The following GRM8 variants were observed in gnomAD, a reference collection of about 807,000 sequenced individuals.
The protein encoded by GRM8 is metabotropic glutamate receptor 8.
GRM8 carries 47 observed loss-of-function variants against 87.2 expected under a neutral mutation model. That is an observed-to-expected ratio of 0.54 (90% CI 0.43 to 0.69). GRM8 has a LOEUF of 0.69. Among genes scored for constraint, GRM8 ranks in the 30% least tolerant of loss-of-function variants. The pLI is 0.00. For missense variants in GRM8, 1,019 were observed against 1,139.2 expected, an observed-to-expected ratio of 0.89 and a Z score of 1.52; for synonymous variants, 396 against 404.5, an observed-to-expected ratio of 0.98 and a Z score of 0.25.
chr7:127,207,663 A>G (rs1451769784), intron 2 of GRM8, among the ~76,000 whole-genome samples: 1 of 152,110 alleles, frequency 6.6e-6, no homozygotes, highest in Admixed American at 6.5e-5. Flanking sequence ...GGTTAAGGGG[A>G]CCCCAGAGAA....
intron 6 of GRM8, among the ~76,000 whole-genome samples, chr7:126,892,295 C>A (rs1563288731): frequency 6.6e-6 from 1 of 151,970 alleles, no homozygotes; most frequent in Non-Finnish European, 1.5e-5. Flanking sequence ...CCTCCCCAAA[C>A]CCCACAACGG....
At chr7:127,211,643 C>T (rs953130133) in intron 2 of GRM8, among the ~76,000 whole-genome samples, 1 of 152,176 alleles carries the variant, frequency 6.6e-6, no homozygotes, top group Non-Finnish European at 1.5e-5. Context: ...GGAGGCCCCA[C>T]CTTCATGGCT....
chr7:126,821,276 C>T (rs1042669063), intron 6 of GRM8, among the ~76,000 whole-genome samples: 4 of 152,126 alleles, frequency 2.6e-5, no homozygotes, highest in African/African-American at 9.7e-5. Flanking sequence ...ATCTAATGCA[C>T]CCATCCTTCA....
chr7:127,232,032 T>C (rs1563597031), intron 2 of GRM8, among the ~76,000 whole-genome samples: 1 of 152,080 alleles, frequency 6.6e-6, no homozygotes, highest in Non-Finnish European at 1.5e-5. Context: ...ACACATGGAT[T>C]TGGAAGGATA....
intron 2 of GRM8, among the ~76,000 whole-genome samples, chr7:127,159,709 T>C (rs1469373738): frequency 6.6e-6 from 1 of 152,224 alleles, no homozygotes; most frequent in Non-Finnish European, 1.5e-5. Context: ...TCCCTAGCTA[T>C]ACATGTATAC....
At chr7:127,155,218 G>C (rs995533286) in intron 2 of GRM8, among the ~76,000 whole-genome samples, 10 of 152,104 alleles carry the variant, frequency 6.6e-5, no homozygotes, top group Non-Finnish European at 1.3e-4. Flanking sequence ...ACTTACTCAC[G>C]AAGTGCCACC....
chr7:127,107,712 A>G (rs1296910793), intron 2 of GRM8, among the ~76,000 whole-genome samples: 6 of 152,240 alleles, frequency 3.9e-5, no homozygotes, highest in Non-Finnish European at 8.8e-5. Flanking sequence ...TCTGGGATCC[A>G]ATAGTCCCCA....
chr7:126,951,976 C>A (rs1563348253), intron 3 of GRM8, among the ~76,000 whole-genome samples: 1 of 151,330 alleles, frequency 6.6e-6, no homozygotes, highest in Non-Finnish European at 1.5e-5. Context: ...ATAAGCACAT[C>A]TAGCATGAAG....
At chr7:126,884,053 A>G (rs1800258783) in intron 6 of GRM8, among the ~76,000 whole-genome samples, 1 of 152,154 alleles carries the variant, frequency 6.6e-6, no homozygotes, top group Non-Finnish European at 1.5e-5. Context: ...CCCTACAAAT[A>G]CTAAAATTAG....
intron 3 of GRM8, among the ~76,000 whole-genome samples, chr7:126,925,127 C>A (rs1363579991): frequency 2.6e-5 from 4 of 152,194 alleles, no homozygotes; most frequent in African/African-American, 9.6e-5. Flanking sequence ...GCATGAAAAA[C>A]TCCCCAAAAT....
intron 3 of GRM8, among the ~76,000 whole-genome samples, chr7:127,076,951 A>G (rs1183491705): frequency 2.0e-5 from 3 of 152,194 alleles, no homozygotes; most frequent in Non-Finnish European, 4.4e-5. Context: ...AAGTCCAGAG[A>G]GATGGAATGA....
chr7:126,940,051 A>G (rs940076222), intron 3 of GRM8, among the ~76,000 whole-genome samples: 3 of 152,220 alleles, frequency 2.0e-5, no homozygotes, highest in African/African-American at 7.2e-5. Context: ...AGGGTGGACC[A>G]GGGGCCTTTA....
intron 7 of GRM8, among the ~76,000 whole-genome samples, chr7:126,619,524 GAA>G (rs554325143): frequency 6.7e-6 from 1 of 148,310 alleles, no homozygotes; most frequent in African/African-American, 2.5e-5. Flanking sequence ...AAGAAAAAAG[GAA>G]AAAAAAGAAA....
chr7:126,899,372 T>C (rs1196509294), intron 6 of GRM8, among the ~76,000 whole-genome samples: 2 of 152,146 alleles, frequency 1.3e-5, no homozygotes, highest in African/African-American at 4.8e-5. Flanking sequence ...CTGGACCTTT[T>C]TACTGCTGTT....
At chr7:126,541,900 C>A (rs181075784) in intron 8 of GRM8, among the ~76,000 whole-genome samples, 408 of 152,256 alleles carry the variant, frequency 2.7e-3, no homozygotes, top group Non-Finnish European at 4.7e-3. Flanking sequence ...AGTCTTATCC[C>A]TCAATATCTC....
intron 8 of GRM8, among the ~76,000 whole-genome samples, chr7:126,558,585 A>G (rs1258213276): frequency 3.3e-5 from 5 of 152,196 alleles, no homozygotes; most frequent in East Asian, 1.9e-4. Flanking sequence ...TATACTTGAA[A>G]TCATCTCTAG....
intron 2 of GRM8, among the ~76,000 whole-genome samples, chr7:127,124,774 A>G (rs553468717): frequency 6.6e-6 from 1 of 152,284 alleles, no homozygotes; most frequent in East Asian, 1.9e-4. Flanking sequence ...CTGGAACCAG[A>G]TGTAGCCCCT....
intron 3 of GRM8, among the ~76,000 whole-genome samples, chr7:127,019,225 T>C (rs1816010674): frequency 6.6e-6 from 1 of 152,106 alleles, no homozygotes; most frequent in African/African-American, 2.4e-5. Context: ...ATAAACGTTA[T>C]CTCTTGGAAG....
intron 6 of GRM8, among the ~76,000 whole-genome samples, chr7:126,783,004 A>C (rs143439520): frequency 3.3e-4 from 50 of 152,272 alleles, no homozygotes; most frequent in African/African-American, 1.2e-3. Context: ...CCTTCCAATT[A>C]ATTCAATCAG....
Sources: gnomAD v4.1 joint callset for allele counts (sites outside exome capture counted in the v4.1 genomes callset) on GRCh38, gnomAD v4.1.1 for gene constraint, MANE v1.5 for transcripts, NCBI Gene and HGNC (gene_info 2026-07-23, HGNC 2026-07-21) for gene names.